Variants in ARHGEF11 observed in about 807,000 individuals in gnomAD.
ARHGEF11 encodes Rho guanine nucleotide exchange factor 11.
A neutral mutation model predicts 193.7 loss-of-function variants in ARHGEF11; 55 were observed. That is an observed-to-expected ratio of 0.28 (90% CI 0.23 to 0.36). The LOEUF (loss-of-function observed/expected upper bound fraction) is 0.36. Ranked by LOEUF, ARHGEF11 falls within the 10% of genes least tolerant of loss-of-function variation. The probability of loss-of-function intolerance (pLI) is 1.00; values close to 1 mark genes in which losing one functional copy is unlikely to be tolerated. For missense variants in ARHGEF11, 1,723 were observed against 2,005.6 expected (o/e 0.86, Z 2.69); for synonymous variants, 693 against 768.0 (o/e 0.90, Z 1.62).
At chr1:156,972,249 C>A (rs1180059975) in intron 7 of ARHGEF11, among the ~76,000 whole-genome samples, 3 of 152,190 alleles carry the variant, frequency 2.0e-5, no homozygotes. Flanking sequence ...ACAGCCAATG[C>A]CTGTGCCAGT....
chr1:156,936,491 A>T (rs1184406377), intron 40 of ARHGEF11, among the ~76,000 whole-genome samples: 7 of 71,380 alleles, frequency 9.8e-5, no homozygotes, highest in African/African-American at 3.6e-4. Flanking sequence ...AAAAAAAAAA[A>T]AAAAAAATAT....
At chr1:156,950,067 T>C (rs1003673981) in intron 22 of ARHGEF11, among the ~76,000 whole-genome samples, 2 of 152,258 alleles carry the variant, frequency 1.3e-5, no homozygotes, top group Non-Finnish European at 2.9e-5. Flanking sequence ...TCTCAAAATG[T>C]TGATGTCTTA....
intron 12 of ARHGEF11, 81 bp from the exon 13 acceptor site, chr1:156,963,385 C>A (rs1025157312): frequency 6.7e-7 from 1 of 1,499,122 alleles, no homozygotes; most frequent in South Asian, 1.1e-5. Context: ...ATGTGATTCC[C>A]CGTCCTGGGT....
intron 1 of ARHGEF11, among the ~76,000 whole-genome samples, chr1:157,008,042 C>T (rs896290766): frequency 6.6e-6 from 1 of 151,638 alleles, no homozygotes; most frequent in African/African-American, 2.4e-5. Context: ...CTGCCTAACT[C>T]TATTTAAACC....
chr1:157,046,634 A>C (rs1673348581), upstream of ARHGEF11, among the ~76,000 whole-genome samples: 1 of 151,984 alleles, frequency 6.6e-6, no homozygotes, highest in Non-Finnish European at 1.5e-5. Flanking sequence ...GGCTGTGTGA[A>C]GTGTCTTTGA....
intron 1 of ARHGEF11, among the ~76,000 whole-genome samples, chr1:157,031,356 T>C (rs1349503353): frequency 6.6e-6 from 1 of 152,180 alleles, no homozygotes; most frequent in Non-Finnish European, 1.5e-5. Context: ...TCTCCAGGCA[T>C]GAGTTCCAGC....
intron 36 of ARHGEF11, 24 bp from the exon 37 acceptor site, chr1:156,939,934 C>A: frequency 6.3e-7 from 1 of 1,597,306 alleles, no homozygotes; most frequent in South Asian, 1.1e-5. Context: ...AGGGTGATGT[C>A]TTCCCAGCAT....
At position 156,940,370 on chromosome 1, in the gene ARHGEF11, A is replaced by G. The variant is rs137926368; in HGVS notation, c.3570T>C (p.Pro1190=). The change falls in exon 36 of 41, where the codon CCT becomes CCC. Residue 1190 remains proline (P), a synonymous_variant. Coordinates refer to ENST00000368194, the MANE Select transcript of ARHGEF11 (RefSeq NM_198236.3). ...CTTCCTCTGCACTGCCCTCCTGCTC[A>G]GGGTCCTCTAGCAGGACCTGGTGCT... ...QGKHQVLLED[P]EQEGSAEEEE... is the part of the protein sequence containing the mutation. 4 of 1,613,342 alleles carry G rather than the reference A, an allele frequency of 2.5e-6. No homozygotes were observed. Among genetic ancestry groups the G allele is most frequent in the Non-Finnish European group, 3.4e-6 (4 of 1,179,578 alleles).
chr1:157,007,157 T>C (rs1238172913), intron 1 of ARHGEF11, among the ~76,000 whole-genome samples: 1 of 150,958 alleles, frequency 6.6e-6, no homozygotes, highest in Admixed American at 6.6e-5. Context: ...AACAGGAGAG[T>C]TAGAGATAGA....
At chr1:156,942,827 G>T (rs1347170839) in intron 32 of ARHGEF11, 47 bp from the exon 33 acceptor site, 1 of 1,527,254 alleles carries the variant, frequency 6.5e-7, no homozygotes, top group African/African-American at 1.4e-5. Flanking sequence ...GGGATGGCAG[G>T]TGTGACTGCA....
intron 4 of ARHGEF11, 26 bp downstream of exon 4, chr1:156,980,411 T>G: frequency 1.9e-6 from 3 of 1,598,144 alleles, no homozygotes; most frequent in South Asian, 1.1e-5. Context: ...CTGCTGGGAG[T>G]GGGAGTGTGT....
At chr1:156,953,560 A>T (rs905347022) in intron 21 of ARHGEF11, among the ~76,000 whole-genome samples, 1 of 152,216 alleles carries the variant, frequency 6.6e-6, no homozygotes, top group Non-Finnish European at 1.5e-5. Flanking sequence ...AATGGCATAC[A>T]GTCTAGGAAT....
intron 1 of ARHGEF11, among the ~76,000 whole-genome samples, chr1:157,041,633 C>T (rs1056728236): frequency 1.3e-5 from 2 of 152,102 alleles, no homozygotes; most frequent in South Asian, 4.1e-4. Flanking sequence ...TTGAAACAAC[C>T]CGCAATGAAA....
chr1:156,979,897 G>C (rs1454456326), intron 4 of ARHGEF11, among the ~76,000 whole-genome samples: 1 of 152,202 alleles, frequency 6.6e-6, no homozygotes, highest in African/African-American at 2.4e-5. Context: ...ACACACATGT[G>C]AATGTCCACT....
rs781001297 is a variant in ARHGEF11 at position 156,946,921 on chromosome 1, A to G, written c.2568+15T>C. Reference sequence around the variant, plus strand: ...AATCTCCTCCTTGCCAAGAGGGAGAAGTTTGGAGCCATACCCGGGCCAGCA... The same window carrying G: ...AATCTCCTCCTTGCCAAGAGGGAGAGGTTTGGAGCCATACCCGGGCCAGCA... On this transcript the variant is annotated intron_variant, in intron 27 of 40. Transcript: ENST00000368194. 9.3e-6 allele frequency: 15 copies of G among 1,613,864 alleles called. No homozygotes were observed. The highest frequency in any genetic ancestry group is 1.2e-5 in the Non-Finnish European group (14 of 1,180,020).
chr1:156,947,475 G>A (rs939175028), intron 25 of ARHGEF11, 25 bp from the exon 26 acceptor site: 3 of 1,567,748 alleles, frequency 1.9e-6, no homozygotes, highest in Non-Finnish European at 2.6e-6. Flanking sequence ...TGACAAGGAG[G>A]GTAGAAAGCC....
At chr1:156,999,955 C>CTTGT (rs1324889402) in intron 1 of ARHGEF11, among the ~76,000 whole-genome samples, 4 of 152,214 alleles carry the variant, frequency 2.6e-5, no homozygotes, top group Non-Finnish European at 5.9e-5. Context: ...TAAAACCACT[C>CTTGT]TACAAGAGTA....
At chr1:156,957,018 C>G in intron 18 of ARHGEF11, among the ~76,000 whole-genome samples, 1 of 152,104 alleles carries the variant, frequency 6.6e-6, no homozygotes, top group East Asian at 1.9e-4. Flanking sequence ...GCAGCCTCTG[C>G]CAAGGTACAC....
chr1:156,990,001 C>A (rs1442695584), intron 1 of ARHGEF11, among the ~76,000 whole-genome samples: 1 of 152,186 alleles, frequency 6.6e-6, no homozygotes, highest in East Asian at 1.9e-4. Context: ...GAGTCTGATA[C>A]AATATTATCT....
Sources: gnomAD v4.1 joint callset for allele counts (sites outside exome capture counted in the v4.1 genomes callset) on GRCh38, gnomAD v4.1.1 for gene constraint, MANE v1.5 for transcripts, NCBI Gene and HGNC (gene_info 2026-07-23, HGNC 2026-07-21) for gene names.